The following FGF12 variants were observed in gnomAD, a reference collection of about 807,000 sequenced individuals.
The protein encoded by FGF12 is fibroblast growth factor 12, also known as fibroblast growth factor 12B.
FGF12 carries 14 observed loss-of-function variants against 23.6 expected under a neutral mutation model. The ratio of observed to expected loss-of-function variants is 0.59; its 90% CI spans 0.39 to 0.93. The LOEUF (loss-of-function observed/expected upper bound fraction) is 0.93, where lower values mean the gene tolerates loss of function less well. FGF12 is among the 40% of genes least tolerant of loss of function. FGF12 has a pLI of 0.00. For synonymous variants in FGF12, 62 were observed against 77.3 expected (o/e 0.80, Z 1.04); for missense variants, 175 against 217.8 (o/e 0.80, Z 1.24).
chr3:192,146,270 A>ATT (rs879200159), intron 5 of FGF12, among the ~76,000 whole-genome samples: 19,202 of 91,868 alleles, frequency 0.21, 1,445 homozygotes, highest in Middle Eastern at 0.27. Flanking sequence ...ATTAAAGTGT[A>ATT]TATTTTTTTT....
rs1486985322 is a variant in FGF12, at chr3:192,635,314, C to G, written c.13+91867G>C. Among the ~76,000 whole-genome samples, 3 of 152,096 alleles carry G rather than the reference C, an allele frequency of 2.0e-5. No individual in the cohort carries two copies. The East Asian group carries it at 5.8e-4, about 29-fold the overall frequency. On this transcript the variant is annotated intron_variant, in intron 2 of 5. Transcript: ENST00000445105. Reference sequence around the variant, plus strand: ...ATGTTTTAATTTTTTTCAAGTACCTCTTTACTCATAACTCTTCTTGCTTTA... The same window carrying G: ...ATGTTTTAATTTTTTTCAAGTACCTGTTTACTCATAACTCTTCTTGCTTTA...
At chr3:192,367,492 A>G (rs550675391) in intron 2 of FGF12, among the ~76,000 whole-genome samples, 3 of 152,340 alleles carry the variant, frequency 2.0e-5, no homozygotes, top group South Asian at 4.1e-4. Context: ...CTGACCAATC[A>G]TAACTAAAGG....
chr3:192,274,487 G>A (rs67071732), intron 4 of FGF12, among the ~76,000 whole-genome samples: 8,872 of 152,148 alleles, frequency 0.058, 281 homozygotes, highest in South Asian at 0.08. Flanking sequence ...TAGGAACGTG[G>A]TCACACTGAT....
chr3:192,668,713 A>G (rs1419166834), intron 2 of FGF12, among the ~76,000 whole-genome samples: 1 of 151,906 alleles, frequency 6.6e-6, no homozygotes, highest in Non-Finnish European at 1.5e-5. Flanking sequence ...AAACTGCAGA[A>G]CTCCCTGCAC....
At chr3:192,350,614 G>T (rs1181972115) in intron 3 of FGF12, among the ~76,000 whole-genome samples, 1 of 152,156 alleles carries the variant, frequency 6.6e-6, no homozygotes, top group Admixed American at 6.5e-5. Flanking sequence ...GGACATTCCA[G>T]AAAGAGGGGG....
intron 2 of FGF12, among the ~76,000 whole-genome samples, chr3:192,397,482 G>C (rs1020909571): frequency 1.3e-5 from 2 of 152,124 alleles, no homozygotes; most frequent in Admixed American, 6.5e-5. Flanking sequence ...TCTTCTCCTA[G>C]CTAGAGTCGA....
At chr3:192,274,470 A>G (rs780659061) in intron 4 of FGF12, among the ~76,000 whole-genome samples, 3 of 152,232 alleles carry the variant, frequency 2.0e-5, no homozygotes, top group Non-Finnish European at 4.4e-5. Flanking sequence ...ATACATAGTA[A>G]TAAAAATAGG....
At chr3:192,382,910 T>G (rs1560093720) in intron 2 of FGF12, among the ~76,000 whole-genome samples, 1 of 152,164 alleles carries the variant, frequency 6.6e-6, no homozygotes, top group African/African-American at 2.4e-5. Context: ...TAGAGACTGA[T>G]AACGAGAGAA....
At chr3:192,470,337 T>C (rs1331258336) in intron 2 of FGF12, among the ~76,000 whole-genome samples, 2 of 152,148 alleles carry the variant, frequency 1.3e-5, no homozygotes, top group African/African-American at 2.4e-5. Context: ...AAATCCAACA[T>C]TGGCTCTATT....
At chr3:192,362,480 A>G (rs564149245) in intron 2 of FGF12, among the ~76,000 whole-genome samples, 1 of 151,806 alleles carries the variant, frequency 6.6e-6, no homozygotes, top group Non-Finnish European at 1.5e-5. Flanking sequence ...GAGTGAGAAC[A>G]CGCAGTGTTT....
intron 4 of FGF12, among the ~76,000 whole-genome samples, chr3:192,287,315 C>A (rs1440537974): frequency 6.6e-6 from 1 of 151,976 alleles, no homozygotes; most frequent in African/African-American, 2.4e-5. Flanking sequence ...CCCTTTTTGC[C>A]TATTGTCTCT....
At chr3:192,412,413 C>G (rs1250985416) in intron 2 of FGF12, among the ~76,000 whole-genome samples, 1 of 152,200 alleles carries the variant, frequency 6.6e-6, no homozygotes, top group Non-Finnish European at 1.5e-5. Context: ...CTTAACCTGA[C>G]AACATCAAGT....
At chr3:192,223,540 T>C (rs1718577818) in intron 4 of FGF12, among the ~76,000 whole-genome samples, 1 of 152,188 alleles carries the variant, frequency 6.6e-6, no homozygotes, top group South Asian at 2.1e-4. Context: ...TAGCATTCAT[T>C]AATGATGGTG....
At chr3:192,542,985 G>A (rs1725409209) in intron 2 of FGF12, among the ~76,000 whole-genome samples, 1 of 152,132 alleles carries the variant, frequency 6.6e-6, no homozygotes, top group South Asian at 2.1e-4. Context: ...TCTCACCCAA[G>A]GGCTGTGGTT....
intron 2 of FGF12, among the ~76,000 whole-genome samples, chr3:192,418,767 T>G (rs1721432467): frequency 6.6e-6 from 1 of 152,144 alleles, no homozygotes; most frequent in South Asian, 2.1e-4. Flanking sequence ...TGTGACTCCT[T>G]CCTCTTTGCC....
chr3:192,432,700 T>C (rs1490800136), intron 2 of FGF12, among the ~76,000 whole-genome samples: 3 of 148,686 alleles, frequency 2.0e-5, no homozygotes, highest in East Asian at 4.0e-4. Context: ...ACACAAGGAA[T>C]TGAATTCTGC....
chr3:192,150,050 T>G (rs1713961644), intron 5 of FGF12, among the ~76,000 whole-genome samples: 1 of 102,706 alleles, frequency 9.7e-6, no homozygotes. Flanking sequence ...TTGATTTGCA[T>G]TTCTCTGATG....
intron 2 of FGF12, among the ~76,000 whole-genome samples, chr3:192,541,911 T>C (rs765910729): frequency 2.6e-5 from 4 of 152,052 alleles, no homozygotes; most frequent in Non-Finnish European, 4.4e-5. Flanking sequence ...GAAGCTCCAT[T>C]GTACGTTATT....
intron 4 of FGF12, among the ~76,000 whole-genome samples, chr3:192,300,854 T>TA (rs1266429647): frequency 1.3e-5 from 2 of 151,954 alleles, no homozygotes; most frequent in East Asian, 1.9e-4. Flanking sequence ...CCATCTCTCC[T>TA]AAGAAATACA....
Sources: gnomAD v4.1 joint callset for allele counts (sites outside exome capture counted in the v4.1 genomes callset) on GRCh38, gnomAD v4.1.1 for gene constraint, MANE v1.5 for transcripts, NCBI Gene and HGNC (gene_info 2026-07-23, HGNC 2026-07-21) for gene names.